The following SHANK2 variants were observed in gnomAD, a reference collection of about 807,000 sequenced individuals.
The protein encoded by SHANK2 is SH3 and multiple ankyrin repeat domains protein 2.
In SHANK2, 43 loss-of-function variants were observed where a neutral mutation model predicts 133.7. The observed-to-expected ratio is 0.32, with a 90% CI of 0.25 to 0.41. The LOEUF (loss-of-function observed/expected upper bound fraction) is 0.41. Among genes scored for constraint, SHANK2 ranks in the 10% least tolerant of loss-of-function variants. The pLI is 1.00. For synonymous variants in SHANK2, 1,017 were observed against 952.8 expected, an observed-to-expected ratio of 1.07 and a Z score of -1.24; for missense variants, 1,994 against 2,235.8, an observed-to-expected ratio of 0.89 and a Z score of 2.18.
intron 2 of SHANK2, among the ~76,000 whole-genome samples, chr11:71,183,378 TG>T (rs1953602493): frequency 6.6e-6 from 1 of 152,062 alleles, no homozygotes; most frequent in Non-Finnish European, 1.5e-5. Context: ...GACAATGAGG[TG>T]GTACTACCCG....
chr11:70,554,714 G>A (rs189547603), intron 17 of SHANK2, among the ~76,000 whole-genome samples: 3 of 151,998 alleles, frequency 2.0e-5, no homozygotes, highest in South Asian at 2.1e-4. Flanking sequence ...TATCTATAAC[G>A]CCCCGTTCCC....
At chr11:70,841,286 T>C (rs1948900071) in intron 11 of SHANK2, among the ~76,000 whole-genome samples, 1 of 152,054 alleles carries the variant, frequency 6.6e-6, no homozygotes, top group South Asian at 2.1e-4. Context: ...AAATAGCAAT[T>C]ATCACCGCAG....
intron 11 of SHANK2, among the ~76,000 whole-genome samples, chr11:70,895,141 C>A (rs1178773466): frequency 3.9e-5 from 6 of 152,208 alleles, no homozygotes; most frequent in Non-Finnish European, 8.8e-5. Context: ...TTTGGGAGGC[C>A]CCGAGGCTCT....
At chr11:71,105,849 G>C (rs1267768856) in intron 6 of SHANK2, among the ~76,000 whole-genome samples, 1 of 152,084 alleles carries the variant, frequency 6.6e-6, no homozygotes, top group Non-Finnish European at 1.5e-5. Context: ...ATCACTACTG[G>C]GTACAGCACC....
intron 1 of SHANK2, among the ~76,000 whole-genome samples, chr11:71,227,726 T>C (rs543045020): frequency 1.0e-3 from 156 of 152,258 alleles, no homozygotes; most frequent in African/African-American, 3.3e-3. Flanking sequence ...GTGATAGTTG[T>C]AGAACCTTCC....
At chr11:71,080,782 C>T (rs1216147227) in intron 8 of SHANK2, among the ~76,000 whole-genome samples, 5 of 152,188 alleles carry the variant, frequency 3.3e-5, no homozygotes, top group African/African-American at 1.2e-4. Flanking sequence ...CCTCGCATGG[C>T]CTGAGCCACC....
At chr11:71,160,509 GCAAC>G (rs1377686979) in intron 2 of SHANK2, among the ~76,000 whole-genome samples, 3 of 152,158 alleles carry the variant, frequency 2.0e-5, no homozygotes, top group African/African-American at 7.2e-5. Context: ...CCATCTCCCT[GCAAC>G]CAACCATGTG....
At chr11:71,234,648 G>A (rs185837724) in intron 1 of SHANK2, among the ~76,000 whole-genome samples, 42 of 152,242 alleles carry the variant, frequency 2.8e-4, no homozygotes, top group African/African-American at 9.4e-4. Flanking sequence ...GCAGGGGCCT[G>A]GTCTCTGGAG....
chr11:70,663,424 C>T (rs1167255343), intron 15 of SHANK2, among the ~76,000 whole-genome samples: 1 of 152,172 alleles, frequency 6.6e-6, no homozygotes, highest in African/African-American at 2.4e-5. Flanking sequence ...TCCCATTTTA[C>T]AGATGAGGCT....
At chr11:70,886,311 T>C (rs922742136) in intron 11 of SHANK2, among the ~76,000 whole-genome samples, 5 of 152,358 alleles carry the variant, frequency 3.3e-5, no homozygotes, top group Admixed American at 2.6e-4. Flanking sequence ...GGTCAACAGC[T>C]GTGTGACTGC....
intron 8 of SHANK2, among the ~76,000 whole-genome samples, chr11:71,083,540 G>A (rs1951329444): frequency 6.6e-6 from 1 of 152,154 alleles, no homozygotes; most frequent in South Asian, 2.1e-4. Context: ...ACCCCAGGCT[G>A]CATAACACCC....
chr11:70,955,295 T>C (rs1470766152), intron 10 of SHANK2, among the ~76,000 whole-genome samples: 2 of 152,090 alleles, frequency 1.3e-5, no homozygotes, highest in Non-Finnish European at 2.9e-5. Flanking sequence ...TGCCAGGTGC[T>C]AAAGTCCCTG....
intron 11 of SHANK2, among the ~76,000 whole-genome samples, chr11:70,834,044 C>T (rs1425972224): frequency 6.6e-6 from 1 of 152,232 alleles, no homozygotes; most frequent in Non-Finnish European, 1.5e-5. Flanking sequence ...AGTGTGATCA[C>T]AACCAAACCA....
At chr11:70,501,411 A>C (rs2059049565) in intron 20 of SHANK2, among the ~76,000 whole-genome samples, 1 of 152,224 alleles carries the variant, frequency 6.6e-6, no homozygotes, top group African/African-American at 2.4e-5. Flanking sequence ...CCCCCAGGCC[A>C]GCTGGACTGG....
Position 71,090,625 on chromosome 11 carries a change from CTGTGTGTGTGTGTGTG to C in SHANK2, c.912+1781_912+1796del, listed in dbSNP as rs782587800. 5.8e-5 allele frequency among the ~76,000 whole-genome samples: 6 copies of C among 102,966 alleles called. No individual in the cohort carries two copies. The South Asian group carries it at 1.1e-3, about 18-fold the overall frequency. 67.5% of individuals were successfully genotyped at this position (102,966 alleles called of 152,430 possible). On this transcript the variant is annotated intron_variant, in intron 8 of 25. Transcript: ENST00000601538. ...AGGGTTCTCCAGAGAAACACAACCTCTGTGTGTGTGTGTGTGTGTGTGTGTGTGTGTGTGTCTGTGT... is the reference window on the plus strand; with the variant it reads ...AGGGTTCTCCAGAGAAACACAACCTCTGTGTGTGTGTGTGTGTGTCTGTGT...
chr11:70,790,540 C>T (rs782218873), intron 14 of SHANK2, among the ~76,000 whole-genome samples: 3 of 152,204 alleles, frequency 2.0e-5, no homozygotes, highest in Admixed American at 6.5e-5. Context: ...ATTGAGGTTT[C>T]TTTGAGGAAG....
At chr11:70,876,616 CACACACAT>C (rs1555071394) in intron 11 of SHANK2, among the ~76,000 whole-genome samples, 14 of 138,156 alleles carry the variant, frequency 1.0e-4, no homozygotes, top group African/African-American at 4.2e-4. Context: ...CACACGCACA[CACACACAT>C]GCATACACAT....
chr11:70,643,721 A>G (rs2134169697), intron 17 of SHANK2, among the ~76,000 whole-genome samples: 1 of 152,150 alleles, frequency 6.6e-6, no homozygotes, highest in East Asian at 1.9e-4. Context: ...GTTTTTGGTC[A>G]TTTGAATGAG....
intron 17 of SHANK2, among the ~76,000 whole-genome samples, chr11:70,642,335 G>A (rs886786169): frequency 1.3e-5 from 2 of 148,748 alleles, no homozygotes; most frequent in African/African-American, 2.5e-5. Flanking sequence ...ATCCAGAATC[G>A]CAGTGCTGTG....
Sources: allele counts gnomAD v4.1 joint callset (sites outside exome capture counted in the v4.1 genomes callset), GRCh38; gene constraint gnomAD v4.1.1; transcripts MANE v1.5; gene names NCBI Gene and HGNC (gene_info 2026-07-23, HGNC 2026-07-21).